The following ZNF704 variants were observed in gnomAD, a reference collection of about 807,000 sequenced individuals.
ZNF704 encodes glucocorticoid induced gene 1.
ZNF704 carries 10 observed loss-of-function variants against 44.7 expected under a neutral mutation model. The observed-to-expected ratio is 0.22, with a 90% confidence interval of 0.14 to 0.38. The LOEUF is 0.38. Ranked by LOEUF, ZNF704 falls within the 10% of genes least tolerant of loss-of-function variation. The pLI, the probability that ZNF704 is intolerant of heterozygous loss-of-function variation, is 1.00. For missense variants in ZNF704, 390 were observed against 545.5 expected (o/e 0.71, Z 2.84); for synonymous variants, 211 against 207.6 (o/e 1.02, Z -0.14).
chr8:80,645,702 G>T (rs1817819963), intron 7 of ZNF704, among the ~76,000 whole-genome samples: 1 of 152,168 alleles, frequency 6.6e-6, no homozygotes. Context: ...CTCCCCAGAA[G>T]CAGATGCCAC....
chr8:80,853,325 A>G lies in ZNF704; in HGVS notation c.-22+21246T>C, dbSNP rs11991377. On this transcript the variant is annotated intron_variant, in intron 1 of 8. Coordinates refer to ENST00000327835, the MANE Select transcript of ZNF704 (RefSeq NM_001033723.3). ...CAAGGGTGCAGTGAGCCACGTTTGC[A>G]CCACTGCACTCCAGCCTGGGCTACA... is the stretch of plus-strand genomic sequence containing the variant. Among the ~76,000 whole-genome samples the G allele has an allele frequency of 3.8e-3, 585 of 152,310 alleles. 3 individuals carry two copies. Among genetic ancestry groups the G allele is most frequent in the African/African-American group, 0.013 (550 of 41,568 alleles).
chr8:80,712,317 T>G (rs998095286), intron 2 of ZNF704, among the ~76,000 whole-genome samples: 1 of 152,242 alleles, frequency 6.6e-6, no homozygotes, highest in Non-Finnish European at 1.5e-5. Context: ...CCTCCAAAAC[T>G]GTAAGCCAAA....
intron 2 of ZNF704, among the ~76,000 whole-genome samples, chr8:80,743,561 G>C (rs1318096829): frequency 1.3e-5 from 2 of 152,234 alleles, no homozygotes; most frequent in Non-Finnish European, 2.9e-5. Context: ...GAGAGCAGTG[G>C]CTCTCCTGGC....
At chr8:80,687,796 G>A (rs1818565122) in intron 3 of ZNF704, among the ~76,000 whole-genome samples, 1 of 152,108 alleles carries the variant, frequency 6.6e-6, no homozygotes, top group Admixed American at 6.6e-5. Flanking sequence ...GGGAGCTCTG[G>A]GTTTATCGAC....
intron 7 of ZNF704, among the ~76,000 whole-genome samples, chr8:80,658,427 C>T (rs375439774): frequency 2.2e-4 from 34 of 151,998 alleles, no homozygotes; most frequent in African/African-American, 8.0e-4. Context: ...ACCCCTGACA[C>T]CTACATCAGT....
In ZNF704 at chr8:80,874,017, A is replaced by T. The variant is rs1419561152; in HGVS notation, c.-22+554T>A. 6.8e-6 allele frequency among the ~76,000 whole-genome samples: 1 copy of T among 146,010 alleles called. No homozygotes were observed. Among genetic ancestry groups the T allele is most frequent in the Non-Finnish European group, 1.5e-5 (1 of 65,810 alleles). ...CCCCCCCGGCGGCTGCCCAGGCTGG[A>T]GCGCTTGGCTAGACGCCGCGCCTGC... is the stretch of plus-strand genomic sequence containing the variant. On this transcript the variant is annotated intron_variant, in intron 1 of 8. Transcript: ENST00000327835. This position sits in a 1 kb window ranked among gnomAD's most constrained non-coding sequence, Gnocchi z 4.4.
At chr8:80,701,203 G>A (rs967944976) in intron 2 of ZNF704, among the ~76,000 whole-genome samples, 8 of 151,952 alleles carry the variant, frequency 5.3e-5, no homozygotes, top group African/African-American at 1.7e-4. Context: ...GGGAAACAGC[G>A]AATGACTCTG....
At chr8:80,814,582 G>A (rs187840140) in intron 2 of ZNF704, among the ~76,000 whole-genome samples, 53 of 152,294 alleles carry the variant, frequency 3.5e-4, no homozygotes, top group Admixed American at 3.0e-3. Context: ...TATGGGTATT[G>A]CTTCAGTTCT....
At chr8:80,795,842 C>T (rs1228695812) in intron 2 of ZNF704, among the ~76,000 whole-genome samples, 1 of 152,088 alleles carries the variant, frequency 6.6e-6, no homozygotes, top group Non-Finnish European at 1.5e-5. Flanking sequence ...GGTGCACTGG[C>T]ATTTGTAGTA....
intron 4 of ZNF704, among the ~76,000 whole-genome samples, chr8:80,686,441 G>A (rs1818536683): frequency 6.6e-6 from 1 of 152,178 alleles, no homozygotes; most frequent in Admixed American, 6.5e-5. Context: ...GAGTGCAGTG[G>A]CCAGATCATA....
intron 1 of ZNF704, among the ~76,000 whole-genome samples, chr8:80,866,542 T>C (rs716349): frequency 0.12 from 18,467 of 152,250 alleles, 1,642 homozygotes; most frequent in African/African-American, 0.26. Flanking sequence ...GGAAATCATG[T>C]ATTTACCTTA....
intron 1 of ZNF704, among the ~76,000 whole-genome samples, chr8:80,872,606 TTGC>T (rs1016945662): frequency 1.3e-5 from 2 of 152,228 alleles, no homozygotes; most frequent in Non-Finnish European, 2.9e-5. Flanking sequence ...TGCTTACCAC[TTGC>T]TGCCCTCAAA....
At chr8:80,818,352 A>T (rs1434761752) in intron 2 of ZNF704, among the ~76,000 whole-genome samples, 1 of 152,014 alleles carries the variant, frequency 6.6e-6, no homozygotes, top group Non-Finnish European at 1.5e-5. Context: ...CATTTATTAT[A>T]TATTTTATAA....
intron 5 of ZNF704, among the ~76,000 whole-genome samples, chr8:80,665,803 C>A (rs936562135): frequency 6.6e-6 from 1 of 151,348 alleles, no homozygotes; most frequent in Non-Finnish European, 1.5e-5. Context: ...ATTAGTAATG[C>A]GGGCACTATT....
intron 2 of ZNF704, among the ~76,000 whole-genome samples, chr8:80,700,904 C>G (rs967912485): frequency 6.6e-6 from 1 of 152,152 alleles, no homozygotes; most frequent in Non-Finnish European, 1.5e-5. Flanking sequence ...TAGCTCTACT[C>G]TCTGTCACTG....
Position 80,874,228 on chromosome 8 carries a change from C to T in ZNF704, c.-22+343G>A, listed in dbSNP as rs1405824945. On this transcript the variant is annotated intron_variant, in intron 1 of 8. Transcript: ENST00000327835. The surrounding 1 kb of genome is among the most constrained non-coding windows in gnomAD (Gnocchi z 4.4). Reference sequence around the variant, plus strand: ...GGCGCGGGCGCCGCCTTCGCTGGACCGGCCGGCGGGGACGCCGGCGGCCGG... The same window carrying T: ...GGCGCGGGCGCCGCCTTCGCTGGACTGGCCGGCGGGGACGCCGGCGGCCGG... 2.1e-5 allele frequency among the ~76,000 whole-genome samples: 3 copies of T among 145,258 alleles called. No individual in the cohort carries two copies. Among genetic ancestry groups the T allele is most frequent in the African/African-American group, 7.4e-5 (3 of 40,330 alleles).
chr8:80,751,360 G>T (rs1184622752), intron 2 of ZNF704, among the ~76,000 whole-genome samples: 1 of 152,080 alleles, frequency 6.6e-6, no homozygotes, highest in Non-Finnish European at 1.5e-5. Context: ...CTAACCTGTG[G>T]GCCTGAAGTT....
At chr8:80,645,168 G>A (rs570446588) in intron 7 of ZNF704, 143 of 1,594,864 alleles carry the variant, frequency 9.0e-5, no homozygotes, top group Non-Finnish European at 1.0e-4. Flanking sequence ...TTGTTTGTGC[G>A]ACATGATCGC....
At chr8:80,730,393 G>A (rs1386589982) in intron 2 of ZNF704, among the ~76,000 whole-genome samples, 1 of 151,874 alleles carries the variant, frequency 6.6e-6, no homozygotes, top group Non-Finnish European at 1.5e-5. Flanking sequence ...CAAAAAATTA[G>A]CCAGGCATGG....
Sources: allele counts gnomAD v4.1 joint callset (sites outside exome capture counted in the v4.1 genomes callset), GRCh38; gene constraint gnomAD v4.1.1; non-coding constraint Gnocchi (gnomAD v3.1); transcripts MANE v1.5; gene names NCBI Gene and HGNC (gene_info 2026-07-23, HGNC 2026-07-21).